CYRIA: variants seen among roughly 807,000 people sequenced by gnomAD.
CYRIA encodes the protein CYFIP-related Rac1 interactor A.
In CYRIA, 15 loss-of-function variants were observed where a neutral mutation model predicts 43.9. The ratio of observed to expected loss-of-function variants is 0.34; its 90% CI spans 0.23 to 0.53. The LOEUF (loss-of-function observed/expected upper bound fraction) is 0.53. Among genes scored for constraint, CYRIA ranks in the 20% least tolerant of loss-of-function variants. CYRIA has a pLI of 0.94. For synonymous variants in CYRIA, 117 were observed against 136.0 expected, an observed-to-expected ratio of 0.86 and a Z score of 0.97; for missense variants, 236 against 394.2, an observed-to-expected ratio of 0.60 and a Z score of 3.40.
At chr2:16,659,858 A>G (rs1670202202) in intron 1 of CYRIA, among the ~76,000 whole-genome samples, 5 of 152,202 alleles carry the variant, frequency 3.3e-5, no homozygotes, top group Admixed American at 2.6e-4. Flanking sequence ...TAACCAAGGC[A>G]TCTGTGAGGT....
chr2:16,587,831 G>T (rs1667786942), intron 3 of CYRIA, among the ~76,000 whole-genome samples: 1 of 152,066 alleles, frequency 6.6e-6, no homozygotes, highest in Non-Finnish European at 1.5e-5. Flanking sequence ...CACTATGATT[G>T]TGAGGCCTCC....
intron 7 of CYRIA, 88 bp from the exon 8 acceptor site, chr2:16,561,365 G>A (rs1313806316): frequency 4.8e-6 from 7 of 1,465,000 alleles, no homozygotes; most frequent in Non-Finnish European, 6.7e-6. Context: ...TTACAGACAA[G>A]GACATTGTCT....
At chr2:16,569,277 C>T (rs1050444924) in intron 3 of CYRIA, among the ~76,000 whole-genome samples, 1 of 152,186 alleles carries the variant, frequency 6.6e-6, no homozygotes, top group Non-Finnish European at 1.5e-5. Context: ...ATCTATAAGA[C>T]AGGACCCTCA....
rs1285531427 is a variant in CYRIA, at chr2:16,552,346, G to A, written c.*590C>T. 1 of 152,016 alleles carries A rather than the reference G, an allele frequency of 6.6e-6. No homozygotes were observed. The highest frequency in any genetic ancestry group is 1.5e-5 in the Non-Finnish European group (1 of 68,042). 9.4% of individuals were successfully genotyped at this position (152,016 alleles called of 1,614,324 possible). On this transcript the variant is annotated 3_prime_UTR_variant, in exon 12 of 12. Coordinates refer to ENST00000381323, the MANE Select transcript of CYRIA (RefSeq NM_030797.4). ...TGTGAAATTAAAGGAGAACATTAGA[G>A]GGATATAAATCCAAACAGAAAAGGA...
intron 1 of CYRIA, among the ~76,000 whole-genome samples, chr2:16,633,462 G>T (rs2103524395): frequency 6.6e-6 from 1 of 151,492 alleles, no homozygotes. Flanking sequence ...CACCCAGGCT[G>T]GAGTTCAGTG....
At chr2:16,587,093 A>G (rs1295112192) in intron 3 of CYRIA, among the ~76,000 whole-genome samples, 1 of 152,150 alleles carries the variant, frequency 6.6e-6, no homozygotes, top group African/African-American at 2.4e-5. Context: ...GATAAGAGAA[A>G]CATAACCTTT....
At chr2:16,627,007 C>T (rs757683210) in intron 1 of CYRIA, among the ~76,000 whole-genome samples, 2 of 150,376 alleles carry the variant, frequency 1.3e-5, no homozygotes, top group Non-Finnish European at 2.9e-5. Context: ...AAATCAGAGA[C>T]AGGAGGTGCC....
chr2:16,625,748 GCCAGGCGTGT>G (rs1423246502), intron 1 of CYRIA: 3 of 152,154 alleles, frequency 2.0e-5, no homozygotes, highest in Non-Finnish European at 4.4e-5. Flanking sequence ...TGGCTGAGGG[GCCAGGCGTGT>G]CACAAAAGGA....
chr2:16,647,077 C>G (rs577177572), intron 1 of CYRIA, among the ~76,000 whole-genome samples: 1 of 152,162 alleles, frequency 6.6e-6, no homozygotes, highest in African/African-American at 2.4e-5. Flanking sequence ...GTAGCCATAT[C>G]CGTATCCGTA....
rs537003643 is a variant in CYRIA at position 16,561,100 on chromosome 2, C to T, written c.631-31G>A. On this transcript the variant is annotated intron_variant, in intron 8 of 11. Transcript: ENST00000381323. ...TGGGAGACACAAATGTACATTAGTC[C>T]TGCTTGCAGCTCTTGTGTGGAATTA... The T allele has an allele frequency of 9.5e-5, 153 of 1,611,126 alleles. 2 individuals carry two copies. In the Middle Eastern group the frequency reaches 2.1e-3, roughly 23 times the overall value.
intron 1 of CYRIA, chr2:16,625,873 A>G (rs1397262096): frequency 6.7e-6 from 1 of 149,812 alleles, no homozygotes; most frequent in East Asian, 2.0e-4. Context: ...AATTGAACCC[A>G]TTTTCAGTGT....
At chr2:16,630,694 T>C (rs1669303233) in intron 1 of CYRIA, among the ~76,000 whole-genome samples, 1 of 152,132 alleles carries the variant, frequency 6.6e-6, no homozygotes, top group South Asian at 2.1e-4. Context: ...CAGGTCTCCT[T>C]TGAGTGAGGA....
intron 3 of CYRIA, among the ~76,000 whole-genome samples, chr2:16,577,502 T>C (rs1667393962): frequency 6.6e-6 from 1 of 152,192 alleles, no homozygotes; most frequent in African/African-American, 2.4e-5. Flanking sequence ...GCAAAAGTCT[T>C]TAATGAATTA....
At chr2:16,581,916 T>A (rs1410476581) in intron 3 of CYRIA, among the ~76,000 whole-genome samples, 1 of 152,222 alleles carries the variant, frequency 6.6e-6, no homozygotes, top group Non-Finnish European at 1.5e-5. Context: ...TCAAAAACAT[T>A]ATATTGAGTG....
chr2:16,618,681 T>C (rs1199144900), intron 2 of CYRIA, among the ~76,000 whole-genome samples: 1 of 152,208 alleles, frequency 6.6e-6, no homozygotes, highest in Non-Finnish European at 1.5e-5. Context: ...TGGTTAGGTT[T>C]AGAGATGATT....
At chr2:16,587,934 A>G in intron 3 of CYRIA, 116 bp downstream of exon 3, 1 of 662,870 alleles carries the variant, frequency 1.5e-6, no homozygotes, top group Non-Finnish European at 2.6e-6. Flanking sequence ...ACAGACTAAT[A>G]CAGTGACCTT....
At chr2:16,592,906 A>G (rs1207678178) in intron 2 of CYRIA, among the ~76,000 whole-genome samples, 1 of 152,210 alleles carries the variant, frequency 6.6e-6, no homozygotes, top group East Asian at 1.9e-4. Context: ...TAATACATGA[A>G]TAGGATCATA....
chr2:16,568,715 A>G (rs1439753697), intron 3 of CYRIA, among the ~76,000 whole-genome samples: 1 of 152,218 alleles, frequency 6.6e-6, no homozygotes, highest in Non-Finnish European at 1.5e-5. Flanking sequence ...GAAGAAGAAA[A>G]GCAAGATAGT....
At chr2:16,653,237 T>C (rs1021070895) in intron 1 of CYRIA, among the ~76,000 whole-genome samples, 2 of 152,188 alleles carry the variant, frequency 1.3e-5, no homozygotes, top group Non-Finnish European at 2.9e-5. Context: ...CATGACCCCA[T>C]GGCCTGCAAC....
Sources: allele counts gnomAD v4.1 joint callset (sites outside exome capture counted in the v4.1 genomes callset), GRCh38; gene constraint gnomAD v4.1.1; transcripts MANE v1.5; gene names NCBI Gene and HGNC (gene_info 2026-07-23, HGNC 2026-07-21).